NCDN: variants seen among roughly 807,000 people sequenced by gnomAD.
The protein encoded by NCDN is neurochondrin.
NCDN carries 9 observed loss-of-function variants against 60.7 expected under a neutral mutation model. That is an observed-to-expected ratio of 0.15 (90% CI 0.09 to 0.26). NCDN has a LOEUF of 0.26. Ranked by LOEUF, NCDN falls within the 10% of genes least tolerant of loss-of-function variation. The pLI is 1.00. For missense variants in NCDN, 578 were observed against 975.2 expected, an observed-to-expected ratio of 0.59 and a Z score of 5.42; for synonymous variants, 409 against 442.5, an observed-to-expected ratio of 0.92 and a Z score of 0.95.
chr1:35,563,669 C>G lies in NCDN; in HGVS notation c.1611-98C>G. On this transcript the variant is annotated intron_variant, in intron 5 of 6. Coordinates refer to ENST00000373243, the MANE Select transcript of NCDN (RefSeq NM_014284.3). This position sits in a 1 kb window ranked among gnomAD's most constrained non-coding sequence, Gnocchi z 6.6. ...CCCCCCAGATGCTATGTTTGGGGCCCAAAGTTAATCACCCTACTGCCTAAT... is the reference window on the plus strand; with the variant it reads ...CCCCCCAGATGCTATGTTTGGGGCCGAAAGTTAATCACCCTACTGCCTAAT... 2 of 1,465,628 alleles carry G rather than the reference C, an allele frequency of 1.4e-6. No homozygotes were observed. The highest frequency in any genetic ancestry group is 4.6e-5 in the East Asian group (2 of 43,858). The allele number at this position is 1,465,628 out of a possible 1,614,324, so 90.8% of individuals were successfully genotyped here.
chr1:35,563,449 G>A lies in NCDN; in HGVS notation c.1610+23G>A. 1 of 1,605,680 alleles carries A rather than the reference G, an allele frequency of 6.2e-7. No homozygotes were observed. The highest frequency in any genetic ancestry group is 1.7e-5 in the Admixed American group (1 of 59,906). ...CAAGTGAGGGGCTCGGGAGAGGTGGGGGAGGAGGCCGGAGGAGGCAAAGGA... is the reference window on the plus strand; with the variant it reads ...CAAGTGAGGGGCTCGGGAGAGGTGGAGGAGGAGGCCGGAGGAGGCAAAGGA... On this transcript the variant is annotated intron_variant, in intron 5 of 6. Transcript: ENST00000373243. This position sits in a 1 kb window ranked among gnomAD's most constrained non-coding sequence, Gnocchi z 6.6.
intron 6 of NCDN, among the ~76,000 whole-genome samples, chr1:35,564,721 G>A (rs542847962): frequency 1.5e-4 from 23 of 152,336 alleles, no homozygotes; most frequent in African/African-American, 5.3e-4. Flanking sequence ...CACCAGGTTA[G>A]GTTGACAGCT....
At position 35,565,360 on chromosome 1, in the gene NCDN, C is replaced by G; in HGVS notation, c.1887C>G (p.Ile629Met). ...CCCTGTCCCCTGAGTATGAGGGCAT[C>G]TGGGCCGACCTGCAGGAGCTCTGGT... is the stretch of plus-strand genomic sequence containing the variant. ...VLALSPEYEG[I>M]WADLQELWFL... Residue 629 changes from isoleucine (I) to methionine (M), a missense_variant, in exon 7 of 7, where the codon ATC (isoleucine) becomes ATG (methionine). Coordinates refer to ENST00000373243, the MANE Select transcript of NCDN (RefSeq NM_014284.3). This position sits in a 1 kb window ranked among gnomAD's most constrained non-coding sequence, Gnocchi z 8.9. 1.2e-6 allele frequency: 2 copies of G among 1,613,664 alleles called. No homozygotes were observed. The highest frequency in any genetic ancestry group is 1.7e-6 in the Non-Finnish European group (2 of 1,179,656).
chr1:35,561,560 C>T lies in NCDN; in HGVS notation c.1143+266C>T, dbSNP rs185897017. Among the ~76,000 whole-genome samples, 29 of 152,148 alleles carry T rather than the reference C, an allele frequency of 1.9e-4. No individual in the cohort carries two copies. Among genetic ancestry groups the T allele is most frequent in the Non-Finnish European group, 2.5e-4 (17 of 67,976 alleles). On this transcript the variant is annotated intron_variant, in intron 3 of 6. Coordinates refer to ENST00000373243, the MANE Select transcript of NCDN (RefSeq NM_014284.3). The surrounding 1 kb of genome is among the most constrained non-coding windows in gnomAD (Gnocchi z 4.9). Reference sequence around the variant, plus strand: ...ACACACACAACACAGTAACCTCCCACTCAAACGCTCCCCCCAATACACACA... The same window carrying T: ...ACACACACAACACAGTAACCTCCCATTCAAACGCTCCCCCCAATACACACA...
Position 35,561,003 on chromosome 1 carries a change from G to C in NCDN, c.852G>C (p.Leu284=), listed in dbSNP as rs375174876. ...GGCAGCGCAACCCTGCACTGAAGCT[G>C]GCAGCCCGCCTGGCACACGCCTGCG... The part of the protein sequence containing the change: ...SSWQRNPALK[L]AARLAHACGS... Residue 284 remains leucine (L), a synonymous_variant, in exon 3 of 7, where the codon CTG becomes CTC. Coordinates refer to ENST00000373243, the MANE Select transcript of NCDN (RefSeq NM_014284.3). The surrounding 1 kb of genome is among the most constrained non-coding windows in gnomAD (Gnocchi z 4.9). 1.2e-6 allele frequency: 2 copies of C among 1,612,414 alleles called. No homozygotes were observed. The highest frequency in any genetic ancestry group is 2.7e-5 in the African/African-American group (2 of 74,912).
chr1:35,565,105 A>G lies in NCDN; in HGVS notation c.1754-122A>G. 1 of 978,616 alleles carries G rather than the reference A, an allele frequency of 1.0e-6. No homozygotes were observed. 60.6% of individuals were successfully genotyped at this position (978,616 alleles called of 1,614,324 possible). A position where few individuals can be genotyped will look rare whatever the true frequency, so the allele number is the denominator to read the frequency against. ...AGCATCTAAGGCAGGGTTTCAACGC[A>G]GGCAGTCTGATTCCAGGCTGTGCCC... is the stretch of plus-strand genomic sequence containing the variant. On this transcript the variant is annotated intron_variant, in intron 6 of 6. Transcript: ENST00000373243. This position sits in a 1 kb window ranked among gnomAD's most constrained non-coding sequence, Gnocchi z 8.9.
At position 35,563,065 on chromosome 1, in the gene NCDN, A is replaced by T; in HGVS notation, c.1386-137A>T. 1.2e-6 allele frequency: 1 copy of T among 855,638 alleles called. No homozygotes were observed. Among genetic ancestry groups the T allele is most frequent in the Non-Finnish European group, 1.8e-6 (1 of 569,952 alleles). The allele number at this position is 855,638 out of a possible 1,614,324, so 53.0% of individuals were successfully genotyped here. ...TGGGTTGTGCGACTCTGAAGCTTGT[A>T]CTTTTTCTGTGGTACCTGCGAGGAT... is the stretch of plus-strand genomic sequence containing the variant. On this transcript the variant is annotated intron_variant, in intron 4 of 6. Coordinates refer to ENST00000373243, the MANE Select transcript of NCDN (RefSeq NM_014284.3). This position sits in a 1 kb window ranked among gnomAD's most constrained non-coding sequence, Gnocchi z 6.6.
intron 6 of NCDN, among the ~76,000 whole-genome samples, 157 bp downstream of exon 6, chr1:35,564,066 C>T (rs771411177): frequency 9.2e-5 from 14 of 152,206 alleles, no homozygotes; most frequent in Non-Finnish European, 1.5e-4. Context: ...CTACCCCCAC[C>T]GTTCTTCCCA....
At position 35,563,747 on chromosome 1, in the gene NCDN, T is replaced by G; in HGVS notation, c.1611-20T>G. 1 of 1,612,402 alleles carries G rather than the reference T, an allele frequency of 6.2e-7. No homozygotes were observed. Among genetic ancestry groups the G allele is most frequent in the East Asian group, 2.2e-5 (1 of 44,832 alleles). On this transcript the variant is annotated intron_variant, in intron 5 of 6. Coordinates refer to ENST00000373243, the MANE Select transcript of NCDN (RefSeq NM_014284.3). The surrounding 1 kb of genome is among the most constrained non-coding windows in gnomAD (Gnocchi z 6.6). ...ACTAGACCCCCACCTACCTCCATCC[T>G]TCCCCCCTTTCTTTTCCAGGCGTGA...
rs1491127280 is a variant in NCDN, at chr1:35,566,630, C to CAA, written c.*968_*969insAA. ...ACCTTTCTTATAAACCCAGGGGGAC[C>CAA]ACACACACACACACACACACACACA... On this transcript the variant is annotated 3_prime_UTR_variant, in exon 7 of 7. Coordinates refer to ENST00000373243, the MANE Select transcript of NCDN (RefSeq NM_014284.3). The surrounding 1 kb of genome is among the most constrained non-coding windows in gnomAD (Gnocchi z 5.3). 2 of 23,158 alleles carry CAA rather than the reference C, an allele frequency of 8.6e-5. No homozygotes were observed. The highest frequency in any genetic ancestry group is 1.3e-4 in the Non-Finnish European group (2 of 15,228). 1.4% of individuals were successfully genotyped at this position (23,158 alleles called of 1,614,324 possible).
chr1:35,563,101 C>T lies in NCDN; in HGVS notation c.1386-101C>T. On this transcript the variant is annotated intron_variant, in intron 4 of 6. Transcript: ENST00000373243. The surrounding 1 kb of genome is among the most constrained non-coding windows in gnomAD (Gnocchi z 6.6). ...GGTACCTGCGAGGATGTGTCCTTCTCCCCTACTTCCATTTCTCTTAGGCAA... is the reference window on the plus strand; with the variant it reads ...GGTACCTGCGAGGATGTGTCCTTCTTCCCTACTTCCATTTCTCTTAGGCAA... The T allele has an allele frequency of 9.1e-6, 10 of 1,096,716 alleles. No individual in the cohort carries two copies. In the South Asian group the frequency reaches 1.4e-4, roughly 16 times the overall value. 67.9% of individuals were successfully genotyped at this position (1,096,716 alleles called of 1,614,324 possible). A position where few individuals can be genotyped will look rare whatever the true frequency, so the allele number is the denominator to read the frequency against.
intron 6 of NCDN, 98 bp downstream of exon 6, chr1:35,564,007 T>A: frequency 7.2e-7 from 1 of 1,397,796 alleles, no homozygotes; most frequent in Non-Finnish European, 9.5e-7. Context: ...AAGATGGTTT[T>A]GCAGCATTTT....
At position 35,565,567 on chromosome 1, in the gene NCDN, C is replaced by T; in HGVS notation, c.2094C>T (p.Asn698=). The stretch of plus-strand genomic sequence containing the variant: ...TCCTGGTGGAGCTGGCGCGGGCCAA[C>T]CGGCTGTGCCGGGAGGCCATGAGGC... ...QGVLVELARA[N]RLCREAMRLQ... The change falls in exon 7 of 7, where the codon AAC becomes AAT. Residue 698 remains asparagine, a synonymous_variant. Coordinates refer to ENST00000373243, the MANE Select transcript of NCDN (RefSeq NM_014284.3). The surrounding 1 kb of genome is among the most constrained non-coding windows in gnomAD (Gnocchi z 8.9). 1 of 1,563,412 alleles carries T rather than the reference C, an allele frequency of 6.4e-7. No homozygotes were observed.
chr1:35,560,628 G>A lies in NCDN; in HGVS notation c.477G>A (p.Leu159=), dbSNP rs1648664917. The A allele has an allele frequency of 1.2e-6, 2 of 1,613,560 alleles. No homozygotes were observed. The highest frequency in any genetic ancestry group is 2.7e-5 in the African/African-American group (2 of 75,074). The change falls in exon 3 of 7, where the codon CTG becomes CTA. Residue 159 remains leucine (L), a synonymous_variant. Coordinates refer to ENST00000373243, the MANE Select transcript of NCDN (RefSeq NM_014284.3). This position sits in a 1 kb window ranked among gnomAD's most constrained non-coding sequence, Gnocchi z 7.6. ...RSMIDDTYQC[L]TAVAGTPRGP... ...TGATTGATGACACCTACCAGTGCCT[G>A]ACGGCTGTAGCAGGCACACCCAGAG...
At chr1:35,559,896 C>T (rs1048968915) in intron 2 of NCDN, among the ~76,000 whole-genome samples, 4 of 151,978 alleles carry the variant, frequency 2.6e-5, no homozygotes, top group African/African-American at 9.7e-5. Flanking sequence ...GGCGGAGCGG[C>T]GAGACACAGG....
Position 35,561,925 on chromosome 1 carries a change from C to G in NCDN, c.1144-467C>G, listed in dbSNP as rs1487542035. ...CGCTAAGCTCATGTCTTTTTTCTGACTTAGCACAAAAGAGAGCATCCCCTC... is the reference window on the plus strand; with the variant it reads ...CGCTAAGCTCATGTCTTTTTTCTGAGTTAGCACAAAAGAGAGCATCCCCTC... On this transcript the variant is annotated intron_variant, in intron 3 of 6. Coordinates refer to ENST00000373243, the MANE Select transcript of NCDN (RefSeq NM_014284.3). This position sits in a 1 kb window ranked among gnomAD's most constrained non-coding sequence, Gnocchi z 4.9. 6.6e-6 allele frequency among the ~76,000 whole-genome samples: 1 copy of G among 152,170 alleles called. No individual in the cohort carries two copies. The highest frequency in any genetic ancestry group is 1.5e-5 in the Non-Finnish European group (1 of 68,034).
rs1648730634 is a variant in NCDN at position 35,562,295 on chromosome 1, T to C, written c.1144-97T>C. On this transcript the variant is annotated intron_variant, in intron 3 of 6. Transcript: ENST00000373243. The surrounding 1 kb of genome is among the most constrained non-coding windows in gnomAD (Gnocchi z 6.8). ...CCTTTGAAAGGCTCACAGGCCAGAATTTCCTTCTAGTTGTATTATTTCTAG... is the reference window on the plus strand; with the variant it reads ...CCTTTGAAAGGCTCACAGGCCAGAACTTCCTTCTAGTTGTATTATTTCTAG... 1 of 1,526,910 alleles carries C rather than the reference T, an allele frequency of 6.5e-7. No individual in the cohort carries two copies. Among genetic ancestry groups the C allele is most frequent in the East Asian group, 2.3e-5 (1 of 44,210 alleles). 94.6% of individuals were successfully genotyped at this position (1,526,910 alleles called of 1,614,324 possible). A position where few individuals can be genotyped will look rare whatever the true frequency, so the allele number is the denominator to read the frequency against.
rs1057451998 is a variant in NCDN, at chr1:35,558,362, T to C, written c.33+139T>C. ...CTTGCTTCTCCAGCCCCTGCCGGCA[T>C]CCACAGGCTGGTAGCGGGACGGGGA... On this transcript the variant is annotated intron_variant, in intron 1 of 6. Transcript: ENST00000373243. This position sits in a 1 kb window ranked among gnomAD's most constrained non-coding sequence, Gnocchi z 6.3. 2.0e-6 allele frequency: 3 copies of C among 1,529,682 alleles called. No homozygotes were observed. 94.8% of individuals were successfully genotyped at this position (1,529,682 alleles called of 1,614,324 possible). A position where few individuals can be genotyped will look rare whatever the true frequency, so the allele number is the denominator to read the frequency against.
Position 35,566,710 on chromosome 1 carries a change from C to A in NCDN, c.*1047C>A. 6.6e-6 allele frequency: 3 copies of A among 451,772 alleles called. No individual in the cohort carries two copies. Among genetic ancestry groups the A allele is most frequent in the South Asian group, 4.7e-5 (3 of 63,174 alleles). The allele number at this position is 451,772 out of a possible 1,614,324, so 28.0% of individuals were successfully genotyped here. ...GATCCCTTGCTTCCCTCCCCCAGTG[C>A]GTTCTGTGATCGCCAAGTTCAAAGC... On this transcript the variant is annotated 3_prime_UTR_variant, in exon 7 of 7. Coordinates refer to ENST00000373243, the MANE Select transcript of NCDN (RefSeq NM_014284.3). This position sits in a 1 kb window ranked among gnomAD's most constrained non-coding sequence, Gnocchi z 5.3.
Sources: gnomAD v4.1 joint callset for allele counts (sites outside exome capture counted in the v4.1 genomes callset) on GRCh38, gnomAD v4.1.1 for gene constraint, Gnocchi (gnomAD v3.1) non-coding constraint, MANE v1.5 for transcripts, NCBI Gene and HGNC (gene_info 2026-07-23, HGNC 2026-07-21) for gene names.